The following SLC22A3 variants were observed in gnomAD, a reference collection of about 807,000 sequenced individuals.
SLC22A3 encodes EMT organic cation transporter 3.
A neutral mutation model predicts 59.1 loss-of-function variants in SLC22A3; 51 were observed. That is an observed-to-expected ratio of 0.86 (90% CI 0.69 to 1.09). SLC22A3 has a LOEUF of 1.09. Among genes scored for constraint, SLC22A3 ranks in the 50% least tolerant of loss-of-function variants. SLC22A3 has a pLI of 0.00. For synonymous variants in SLC22A3, 325 were observed against 292.0 expected (o/e 1.11, Z -1.15); for missense variants, 711 against 726.3 (o/e 0.98, Z 0.24).
At chr6:160,356,370 G>A (rs1426733149) in intron 1 of SLC22A3, among the ~76,000 whole-genome samples, 1 of 152,246 alleles carries the variant, frequency 6.6e-6, no homozygotes, top group South Asian at 2.1e-4. Context: ...TGTAGGGGGT[G>A]TGACCTGGAA....
At chr6:160,419,300 G>A (rs1043646013) in intron 5 of SLC22A3, among the ~76,000 whole-genome samples, 1 of 152,108 alleles carries the variant, frequency 6.6e-6, no homozygotes, top group Non-Finnish European at 1.5e-5. Flanking sequence ...GGGAATATCT[G>A]TTTCTGACAT....
rs1003016642 is a variant in SLC22A3, at chr6:160,443,685, C to T, written c.1453C>T (p.Pro485Ser). The change falls in exon 9 of 11, where the codon CCA becomes TCA. Residue 485 changes from proline (P) to serine (S), a missense_variant. Coordinates refer to ENST00000275300, the MANE Select transcript of SLC22A3 (RefSeq NM_021977.4). ...GTGTGATTTTGGGGGAATCATAGCC[C>T]CATTTCTGCTCTTTCGGCTAGCAGC... is the stretch of plus-strand genomic sequence containing the variant. ...GLCDFGGIIA[P>S]FLLFRLAAVW... 1 of 1,613,896 alleles carries T rather than the reference C, an allele frequency of 6.2e-7. No individual in the cohort carries two copies. The highest frequency in any genetic ancestry group is 8.5e-7 in the Non-Finnish European group (1 of 1,179,908).
At chr6:160,425,185 C>T (rs1026013119) in intron 5 of SLC22A3, among the ~76,000 whole-genome samples, 2 of 152,180 alleles carry the variant, frequency 1.3e-5, no homozygotes, top group African/African-American at 4.8e-5. Context: ...TAAATTTAAA[C>T]AGGTTGAGTA....
At chr6:160,418,416 C>A (rs796523789) in intron 5 of SLC22A3, among the ~76,000 whole-genome samples, 17 of 152,320 alleles carry the variant, frequency 1.1e-4, no homozygotes, top group African/African-American at 3.8e-4. Flanking sequence ...TGGACTCAGA[C>A]TGAGCCACTC....
rs1788370605 is a variant in SLC22A3, at chr6:160,437,127, G to A, written c.1204G>A (p.Glu402Lys). The change falls in exon 7 of 11, where the codon GAG becomes AAG. Residue 402 changes from glutamate to lysine, a missense_variant. Physicochemically the swap from Glu to Lys is moderately conservative, Grantham distance 56 (BLOSUM62 1). Coordinates refer to ENST00000275300, the MANE Select transcript of SLC22A3 (RefSeq NM_021977.4). ...AGCTCTCTTGATCTTACTAACCATT[G>A]AGCGCCTTGGACGACGCCTCCCCTT... is the stretch of plus-strand genomic sequence containing the variant. The part of the protein sequence containing the change: ...PGALLILLTI[E>K]RLGRRLPFAA... The A allele has an allele frequency of 1.2e-6, 2 of 1,614,140 alleles. No individual in the cohort carries two copies. The highest frequency in any genetic ancestry group is 8.5e-7 in the Non-Finnish European group (1 of 1,179,992).
rs370411141 is a variant in SLC22A3, at chr6:160,384,374, T to C, written c.430-13605T>C. On this transcript the variant is annotated intron_variant, in intron 1 of 10. Coordinates refer to ENST00000275300, the MANE Select transcript of SLC22A3 (RefSeq NM_021977.4). ...ACCAATGGAATCATATGCCCAGTTT[T>C]ATAATCTGATTTTAATTTTTACTCA... 7.2e-5 allele frequency among the ~76,000 whole-genome samples: 11 copies of C among 152,344 alleles called. No individual in the cohort carries two copies. In the East Asian group the frequency reaches 2.1e-3, roughly 29 times the overall value.
chr6:160,425,759 T>C (rs1326806597), intron 5 of SLC22A3: 14 of 938,124 alleles, frequency 1.5e-5, no homozygotes, highest in African/African-American at 1.8e-5. Context: ...CTATTAATTA[T>C]GGAAACTAGT....
intron 1 of SLC22A3, among the ~76,000 whole-genome samples, chr6:160,381,421 T>C (rs866211061): frequency 1.6e-4 from 25 of 152,214 alleles, no homozygotes; most frequent in Admixed American, 1.6e-3. Context: ...TATTCAAGGC[T>C]GACTGTTGTC....
At chr6:160,416,138 G>A (rs1384042773) in intron 5 of SLC22A3, among the ~76,000 whole-genome samples, 1 of 152,158 alleles carries the variant, frequency 6.6e-6, no homozygotes, top group East Asian at 1.9e-4. Flanking sequence ...CATTTGCCAA[G>A]GTTTCTGGCT....
intron 2 of SLC22A3, among the ~76,000 whole-genome samples, chr6:160,399,125 C>A (rs991531074): frequency 6.6e-6 from 1 of 152,030 alleles, no homozygotes; most frequent in East Asian, 1.9e-4. Flanking sequence ...CTTTTTCTTT[C>A]TCTTTCATGT....
chr6:160,416,835 A>G (rs1171152288), intron 5 of SLC22A3, among the ~76,000 whole-genome samples: 2 of 152,236 alleles, frequency 1.3e-5, no homozygotes, highest in Non-Finnish European at 2.9e-5. Flanking sequence ...GGATGGAGTA[A>G]CAATGCTTAT....
Position 160,408,772 on chromosome 6 carries a change from G to T in SLC22A3, c.708G>T (p.Ser236=). 5 of 1,613,660 alleles carry T rather than the reference G, an allele frequency of 3.1e-6. No homozygotes were observed. Among genetic ancestry groups the T allele is most frequent in the Non-Finnish European group, 4.2e-6 (5 of 1,179,744 alleles). The change falls in exon 4 of 11, where the codon TCG becomes TCT. Residue 236 remains serine (S), a synonymous_variant. Coordinates refer to ENST00000275300, the MANE Select transcript of SLC22A3 (RefSeq NM_021977.4). ...CYVIVTEIVG[S]KQRRIVGIVI... ...CTTTAGTGACAGAAATAGTAGGTTC[G>T]AAACAAAGGAGGATTGTGGGAATCG...
At chr6:160,411,456 G>A (rs1211227065) in intron 5 of SLC22A3, among the ~76,000 whole-genome samples, 1 of 152,112 alleles carries the variant, frequency 6.6e-6, no homozygotes, top group Non-Finnish European at 1.5e-5. Flanking sequence ...AATAGGGGAG[G>A]GCCGGGTGTA....
rs769511532 is a variant in SLC22A3 at position 160,348,567 on chromosome 6, T to TGGTGCCGCGGGCCA, written c.149_162dup (p.Ser55GlyfsTer112). On this transcript the variant is annotated frameshift_variant, in exon 1 of 11. Coordinates refer to ENST00000275300, the MANE Select transcript of SLC22A3 (RefSeq NM_021977.4). LOFTEE classifies it high-confidence loss of function. ...CCTGGGCACGCAGCCCGACCACTAC[T>TGGTGCCGCGGGCCA]GGTGCCGCGGGCCAAGTGCCGCGGC... 5 of 1,541,720 alleles carry TGGTGCCGCGGGCCA rather than the reference T, an allele frequency of 3.2e-6. No individual in the cohort carries two copies. In the South Asian group the frequency reaches 5.9e-5, roughly 18 times the overall value.
intron 1 of SLC22A3, among the ~76,000 whole-genome samples, chr6:160,362,908 G>C (rs866136066): frequency 6.6e-6 from 1 of 152,178 alleles, no homozygotes; most frequent in Non-Finnish European, 1.5e-5. Context: ...GAGGGTGCAC[G>C]AGAACGTCCC....
chr6:160,446,891 C>T lies in SLC22A3; in HGVS notation c.1511-828C>T, dbSNP rs1788765435. ...TGGTGGAAGCCCCATTGATGGGGCTCCTGCATCACTTCCCAGTGGCCCAGG... is the reference window on the plus strand; with the variant it reads ...TGGTGGAAGCCCCATTGATGGGGCTTCTGCATCACTTCCCAGTGGCCCAGG... On this transcript the variant is annotated intron_variant, in intron 9 of 10. Transcript: ENST00000275300. 2.6e-5 allele frequency among the ~76,000 whole-genome samples: 4 copies of T among 152,180 alleles called. 1 individual carries two copies. In the South Asian group the frequency reaches 6.2e-4, roughly 24 times the overall value.
intron 1 of SLC22A3, among the ~76,000 whole-genome samples, chr6:160,351,858 A>T (rs555063484): frequency 2.0e-5 from 3 of 152,312 alleles, no homozygotes; most frequent in Admixed American, 2.0e-4. Context: ...CCATTTATGT[A>T]GCCAAACTGG....
At chr6:160,363,020 G>A (rs1785073661) in intron 1 of SLC22A3, among the ~76,000 whole-genome samples, 1 of 152,232 alleles carries the variant, frequency 6.6e-6, no homozygotes. Flanking sequence ...GCCGAGAGCT[G>A]AGGCTGGGCT....
At chr6:160,410,430 C>T (rs1787198512) in intron 4 of SLC22A3, among the ~76,000 whole-genome samples, 1 of 152,200 alleles carries the variant, frequency 6.6e-6, no homozygotes, top group Non-Finnish European at 1.5e-5. Context: ...TTAATATTTA[C>T]TAAATCCCAA....
Sources: gnomAD v4.1 joint callset for allele counts (sites outside exome capture counted in the v4.1 genomes callset) on GRCh38, gnomAD v4.1.1 for gene constraint, MANE v1.5 for transcripts, NCBI Gene and HGNC (gene_info 2026-07-23, HGNC 2026-07-21) for gene names.